The following GALNTL6 variants were observed in gnomAD, a reference collection of about 807,000 sequenced individuals.
GALNTL6 encodes the protein polypeptide N-acetylgalactosaminyltransferase like 6, also known as polypeptide N-acetylgalactosaminyltransferase-like 6.
Under a neutral mutation model 73.7 loss-of-function variants are expected in GALNTL6, and 46 were observed. That is an observed-to-expected ratio of 0.62 (90% confidence interval 0.49 to 0.80). The LOEUF is 0.80. Among genes scored for constraint, GALNTL6 ranks in the 30% least tolerant of loss-of-function variants. GALNTL6 has a pLI of 0.00. For synonymous variants in GALNTL6, 259 were observed against 263.7 expected (o/e 0.98, Z 0.17); for missense variants, 604 against 755.0 (o/e 0.80, Z 2.34).
intron 5 of GALNTL6, among the ~76,000 whole-genome samples, chr4:172,384,419 T>G (rs1288145537): frequency 1.3e-5 from 2 of 151,870 alleles, no homozygotes; most frequent in African/African-American, 4.8e-5. Flanking sequence ...CCCTCTTAAT[T>G]TTTTTTTAAA....
intron 2 of GALNTL6, among the ~76,000 whole-genome samples, chr4:171,973,785 T>C (rs1462515492): frequency 6.6e-6 from 1 of 152,142 alleles, no homozygotes; most frequent in Non-Finnish European, 1.5e-5. Flanking sequence ...ATAATTATTG[T>C]TATTATCGTT....
intron 3 of GALNTL6, among the ~76,000 whole-genome samples, chr4:172,277,881 C>A (rs1738893585): frequency 6.6e-6 from 1 of 152,100 alleles, no homozygotes; most frequent in African/African-American, 2.4e-5. Flanking sequence ...ATATGTTAAG[C>A]TTTTCTAATT....
chr4:172,380,019 C>T (rs553946401), intron 5 of GALNTL6: 226 of 941,960 alleles, frequency 2.4e-4, no homozygotes, highest in Admixed American at 3.6e-4. Flanking sequence ...ACTTGATGAT[C>T]GGATCAATTT....
rs869185246 is a variant in GALNTL6, at chr4:172,405,425, ATATATATATATATATATATTTTTTTTTTT to A, written c.553+56738_553+56766del. Among the ~76,000 whole-genome samples the A allele has an allele frequency of 6.2e-3, 707 of 114,104 alleles. 18 individuals carry two copies. The highest frequency in any genetic ancestry group is 0.022 in the African/African-American group (533 of 24,310). The allele number at this position is 114,104 out of a possible 152,430, so 74.9% of individuals were successfully genotyped here. On this transcript the variant is annotated intron_variant, in intron 5 of 12. Transcript: ENST00000506823. ...TTGATATATATATATATATATATAT[ATATATATATATATATATATTTTTTTTTTT>A]TTTTTTTTTTTTCTCCTTGCATTGA...
At chr4:172,038,377 A>G (rs191122276) in intron 2 of GALNTL6, among the ~76,000 whole-genome samples, 1 of 152,236 alleles carries the variant, frequency 6.6e-6, no homozygotes, top group East Asian at 1.9e-4. Flanking sequence ...CGCAAGGCCA[A>G]TTTGCTAAAG....
intron 10 of GALNTL6, among the ~76,000 whole-genome samples, chr4:172,956,895 TG>T (rs1749777230): frequency 6.6e-6 from 1 of 152,146 alleles, no homozygotes; most frequent in African/African-American, 2.4e-5. Context: ...ACCAAGAGCC[TG>T]AGAAACTGCT....
At chr4:172,745,488 T>C (rs1344737020) in intron 5 of GALNTL6, among the ~76,000 whole-genome samples, 2 of 149,680 alleles carry the variant, frequency 1.3e-5, no homozygotes, top group Non-Finnish European at 3.0e-5. Context: ...CATAAAATTG[T>C]AGAGGCAAAA....
intron 9 of GALNTL6, among the ~76,000 whole-genome samples, chr4:172,934,982 G>A (rs1388680556): frequency 2.0e-5 from 3 of 152,226 alleles, no homozygotes; most frequent in East Asian, 3.8e-4. Context: ...GTGAATGTCA[G>A]TGTGTTCAGG....
intron 5 of GALNTL6, among the ~76,000 whole-genome samples, chr4:172,477,642 C>T (rs1318174471): frequency 6.6e-6 from 1 of 152,170 alleles, no homozygotes; most frequent in African/African-American, 2.4e-5. Flanking sequence ...TGATGAACAA[C>T]AGATCTCAGG....
At chr4:172,843,332 T>A (rs1743320106) in intron 7 of GALNTL6, among the ~76,000 whole-genome samples, 1 of 152,162 alleles carries the variant, frequency 6.6e-6, no homozygotes, top group African/African-American at 2.4e-5. Context: ...AGAATCCCAG[T>A]CCCCAGTTTT....
At chr4:172,642,202 A>G (rs1740018554) in intron 5 of GALNTL6, among the ~76,000 whole-genome samples, 1 of 152,030 alleles carries the variant, frequency 6.6e-6, no homozygotes, top group Admixed American at 6.6e-5. Flanking sequence ...AAACTATCAT[A>G]TGATCCAGCA....
chr4:173,030,818 G>T (rs192780127), intron 12 of GALNTL6, among the ~76,000 whole-genome samples: 8 of 147,440 alleles, frequency 5.4e-5, no homozygotes, highest in Admixed American at 3.4e-4. Flanking sequence ...TGGGCAACAT[G>T]GTGAAAACCT....
intron 5 of GALNTL6, among the ~76,000 whole-genome samples, chr4:172,643,724 G>A (rs978223144): frequency 6.6e-6 from 1 of 151,844 alleles, no homozygotes; most frequent in Non-Finnish European, 1.5e-5. Flanking sequence ...ATATTTATTT[G>A]CATCATTATG....
intron 5 of GALNTL6, among the ~76,000 whole-genome samples, chr4:172,369,533 G>A (rs1120573): frequency 0.23 from 35,076 of 151,972 alleles, 4,570 homozygotes; most frequent in East Asian, 0.36. Context: ...GGTGGCACCC[G>A]TCGGGGAGGT....
chr4:172,899,804 G>T (rs1341797206), intron 8 of GALNTL6, among the ~76,000 whole-genome samples: 1 of 152,124 alleles, frequency 6.6e-6, no homozygotes, highest in Non-Finnish European at 1.5e-5. Flanking sequence ...CTAAACAAGG[G>T]GTAGATTATT....
At chr4:172,715,111 G>T (rs1734986501) in intron 5 of GALNTL6, among the ~76,000 whole-genome samples, 1 of 152,108 alleles carries the variant, frequency 6.6e-6, no homozygotes, top group Admixed American at 6.6e-5. Context: ...AAAAAATGGT[G>T]TATCTACTAC....
At chr4:172,813,049 G>C (rs991655397) in intron 6 of GALNTL6, among the ~76,000 whole-genome samples, 5 of 152,162 alleles carry the variant, frequency 3.3e-5, no homozygotes, top group Admixed American at 3.3e-4. Flanking sequence ...TGTATGATCT[G>C]TCAGCATTTA....
chr4:172,228,747 ATTATCTTGACTACAAGATT>A (rs1736952828), intron 2 of GALNTL6, among the ~76,000 whole-genome samples: 1 of 152,214 alleles, frequency 6.6e-6, no homozygotes, highest in South Asian at 2.1e-4. Flanking sequence ...CTTATTTTAC[ATTATCTTGACTACAAGATT>A]GTGAAGATAA....
At chr4:172,342,181 G>C (rs1741590641) in intron 4 of GALNTL6, among the ~76,000 whole-genome samples, 1 of 151,938 alleles carries the variant, frequency 6.6e-6, no homozygotes, top group Non-Finnish European at 1.5e-5. Context: ...ATGGAGGATA[G>C]AGCATACATC....
Sources: gnomAD v4.1 joint callset for allele counts (sites outside exome capture counted in the v4.1 genomes callset) on GRCh38, gnomAD v4.1.1 for gene constraint, MANE v1.5 for transcripts, NCBI Gene and HGNC (gene_info 2026-07-23, HGNC 2026-07-21) for gene names.